TET3: variants seen among roughly 807,000 people sequenced by gnomAD.
The protein encoded by TET3 is tet methylcytosine dioxygenase 3.
A neutral mutation model predicts 141.4 loss-of-function variants in TET3; 19 were observed. That is an observed-to-expected ratio of 0.13 (90% CI 0.09 to 0.20). The LOEUF is 0.20. TET3 is among the 10% of genes least tolerant of loss of function. The pLI, the probability that TET3 is intolerant of heterozygous loss-of-function variation, is 1.00. For synonymous variants in TET3, 1,043 were observed against 980.9 expected (o/e 1.06, Z -1.18); for missense variants, 1,874 against 2,356.9 (o/e 0.80, Z 4.24).
In TET3 at chr2:74,047,553, ACCT is replaced by A; in HGVS notation, c.1640_1642del (p.Ser547del). The stretch of plus-strand genomic sequence containing the variant: ...CCTCTTCCTAGAACAGGTGCACGAC[ACCT>A]CCTTCCCTGCTCCTTCAGAGCCTTC... On this transcript the variant is annotated inframe_deletion, in exon 4 of 12. Transcript: ENST00000409262. The A allele has an allele frequency of 6.2e-7, 1 of 1,613,526 alleles. No homozygotes were observed. The highest frequency in any genetic ancestry group is 8.5e-7 in the Non-Finnish European group (1 of 1,179,804).
chr2:74,037,170 G>A (rs1687110986), intron 3 of TET3, among the ~76,000 whole-genome samples: 1 of 152,164 alleles, frequency 6.6e-6, no homozygotes. Flanking sequence ...ACTCACTTCT[G>A]CAAGAACAGG....
intron 4 of TET3, among the ~76,000 whole-genome samples, chr2:74,059,330 G>A (rs937909501): frequency 2.0e-5 from 3 of 152,228 alleles, no homozygotes; most frequent in Non-Finnish European, 4.4e-5. Flanking sequence ...TCGGCTTACT[G>A]CAACCTTCGC....
At chr2:74,049,711 G>A (rs181640169) in intron 4 of TET3, among the ~76,000 whole-genome samples, 2 of 152,198 alleles carry the variant, frequency 1.3e-5, no homozygotes, top group African/African-American at 4.8e-5. Flanking sequence ...GTTGTTTCCC[G>A]GTCAGTAGGG....
At chr2:74,060,890 G>A (rs1278910103) in intron 4 of TET3, among the ~76,000 whole-genome samples, 4 of 152,214 alleles carry the variant, frequency 2.6e-5, no homozygotes, top group Non-Finnish European at 4.4e-5. Context: ...ACAGAACAAA[G>A]TGAAAAGTCT....
rs917752015 is a variant in TET3 at position 74,008,890 on chromosome 2, T to C, written c.360+5724T>C. The stretch of plus-strand genomic sequence containing the variant: ...CCGAGGCCTGGAACTTTTACGCCCT[T>C]GGTGCTTAAGTAATTGGATTTCTCA... On this transcript the variant is annotated intron_variant, in intron 3 of 11. Transcript: ENST00000409262. Among the ~76,000 whole-genome samples, 9 of 152,298 alleles carry C rather than the reference T, an allele frequency of 5.9e-5. No homozygotes were observed. The East Asian group carries it at 7.7e-4, about 13-fold the overall frequency.
At chr2:74,011,227 CAAAAAAA>C (rs34155044) in intron 3 of TET3, among the ~76,000 whole-genome samples, 1,194 of 94,402 alleles carry the variant, frequency 0.013, 34 homozygotes, top group African/African-American at 0.042. Flanking sequence ...GACTCCGTTT[CAAAAAAA>C]AAAAAAAAAA....
At position 74,100,995 on chromosome 2, in the gene TET3, C is replaced by A; in HGVS notation, c.4207C>A (p.Pro1403Thr). 6.2e-7 allele frequency: 1 copy of A among 1,612,908 alleles called. No individual in the cohort carries two copies. Among genetic ancestry groups the A allele is most frequent in the Non-Finnish European group, 8.5e-7 (1 of 1,179,490 alleles). The change falls in exon 12 of 12, where the codon CCG (proline) becomes ACG (threonine). Residue 1403 changes from proline to threonine, a missense_variant. Pro to Thr is a conservative substitution (Grantham distance 38). Transcript: ENST00000409262. Reference sequence around the variant, plus strand: ...ATCCATCAAGCAAGAGCCAGTAGACCCGCTGACCCAGGCTGAGCCTGTGCC... The same window carrying A: ...ATCCATCAAGCAAGAGCCAGTAGACACGCTGACCCAGGCTGAGCCTGTGCC... ...NRSIKQEPVDPLTQAEPVPRD... is the reference protein window; with the variant it reads ...NRSIKQEPVDTLTQAEPVPRD...
At chr2:74,113,064 A>G (rs1039066825), downstream of TET3, among the ~76,000 whole-genome samples, 1 of 150,384 alleles carries the variant, frequency 6.6e-6, no homozygotes, top group African/African-American at 2.4e-5. Flanking sequence ...CTGAATGGAG[A>G]AAAGCTGAAA....
chr2:73,994,634 CTTTCT>C (rs1684492198), intron 2 of TET3, among the ~76,000 whole-genome samples: 1 of 106,376 alleles, frequency 9.4e-6, no homozygotes, highest in African/African-American at 5.4e-5. Context: ...TTCTTTCTTT[CTTTCT>C]TTTTTTTTTT....
chr2:74,099,224 C>T, intron 10 of TET3, 52 bp from the exon 11 acceptor site: 1 of 1,489,742 alleles, frequency 6.7e-7, no homozygotes, highest in South Asian at 1.3e-5. Context: ...CCCTCTCTCC[C>T]AGCACTCGGT....
At chr2:74,021,519 G>A (rs1417915908) in intron 3 of TET3, among the ~76,000 whole-genome samples, 2 of 152,210 alleles carry the variant, frequency 1.3e-5, no homozygotes, top group Non-Finnish European at 2.9e-5. Context: ...ACTGTCCCTG[G>A]TCAGCCTGTA....
chr2:74,065,806 T>C (rs530580171), intron 4 of TET3, among the ~76,000 whole-genome samples: 2 of 151,780 alleles, frequency 1.3e-5, no homozygotes, highest in Non-Finnish European at 2.9e-5. Flanking sequence ...GTCTCAAGGC[T>C]GGAGTGCAGT....
chr2:74,029,331 T>A (rs1686547208), intron 3 of TET3, among the ~76,000 whole-genome samples: 1 of 151,976 alleles, frequency 6.6e-6, no homozygotes, highest in Admixed American at 6.6e-5. Flanking sequence ...CAAATAGACA[T>A]GGAAGGAGGA....
intron 4 of TET3, among the ~76,000 whole-genome samples, chr2:74,050,900 C>G (rs1687909566): frequency 6.6e-6 from 1 of 151,960 alleles, no homozygotes; most frequent in South Asian, 2.1e-4. Context: ...TATTTAGTTA[C>G]CCACTCAGCC....
chr2:74,115,101 A>C, the TET3 span, among the ~76,000 whole-genome samples: 1 of 152,224 alleles, frequency 6.6e-6, no homozygotes, highest in Admixed American at 6.5e-5. Flanking sequence ...AAAATAAGCA[A>C]CTGAGATTAT....
At chr2:73,989,542 G>A (rs1034549132) in intron 2 of TET3, among the ~76,000 whole-genome samples, 6 of 152,132 alleles carry the variant, frequency 3.9e-5, no homozygotes, top group African/African-American at 1.4e-4. Context: ...GGCTTTGTCG[G>A]TGGGGAGAAG....
chr2:74,027,800 G>A (rs1313470869), intron 3 of TET3, among the ~76,000 whole-genome samples: 5 of 152,116 alleles, frequency 3.3e-5, no homozygotes, highest in Non-Finnish European at 7.4e-5. Context: ...ACTTTGGGCT[G>A]TTATGAATAA....
chr2:74,115,141 T>C, the TET3 span, among the ~76,000 whole-genome samples: 984 of 152,032 alleles, frequency 6.5e-3, 9 homozygotes, highest in African/African-American at 0.022. Context: ...CACAGTAAAG[T>C]TGAAACAATC....
In TET3 at chr2:74,104,842, T is replaced by C; in HGVS notation, c.*2666T>C. 1 of 242,756 alleles carries C rather than the reference T, an allele frequency of 4.1e-6. No individual in the cohort carries two copies. The highest frequency in any genetic ancestry group is 7.8e-6 in the Non-Finnish European group (1 of 128,380). 15.0% of individuals were successfully genotyped at this position (242,756 alleles called of 1,614,324 possible). ...GTTTCTGCAGTAGGAGATAGGCTGCTGAGAGGTGAGTCAAGAGGCAGTCTC... is the reference window on the plus strand; with the variant it reads ...GTTTCTGCAGTAGGAGATAGGCTGCCGAGAGGTGAGTCAAGAGGCAGTCTC... On this transcript the variant is annotated 3_prime_UTR_variant, in exon 12 of 12. Transcript: ENST00000409262.
Sources: gnomAD v4.1 joint callset for allele counts (sites outside exome capture counted in the v4.1 genomes callset) on GRCh38, gnomAD v4.1.1 for gene constraint, MANE v1.5 for transcripts, NCBI Gene and HGNC (gene_info 2026-07-23, HGNC 2026-07-21) for gene names.